LRRC4C: variants seen among roughly 807,000 people sequenced by gnomAD.
LRRC4C encodes the protein leucine rich repeat containing 4C.
Under a neutral mutation model 33.6 loss-of-function variants are expected in LRRC4C, and 5 were observed. The observed-to-expected ratio is 0.15, with a 90% CI of 0.08 to 0.31. The LOEUF (loss-of-function observed/expected upper bound fraction) is 0.31. LRRC4C is among the 10% of genes least tolerant of loss of function. LRRC4C has a pLI of 1.00. For synonymous variants in LRRC4C, 329 were observed against 302.0 expected, an observed-to-expected ratio of 1.09 and a Z score of -0.93; for missense variants, 560 against 796.7, an observed-to-expected ratio of 0.70 and a Z score of 3.58.
intron 2 of LRRC4C, among the ~76,000 whole-genome samples, chr11:40,732,904 C>A (rs577727534): frequency 2.6e-5 from 4 of 151,864 alleles, no homozygotes; most frequent in Non-Finnish European, 4.4e-5. Context: ...ACATTCTTAA[C>A]CCATTTAACT....
At chr11:41,005,748 T>A (rs562959126) in intron 1 of LRRC4C, among the ~76,000 whole-genome samples, 6 of 152,328 alleles carry the variant, frequency 3.9e-5, no homozygotes, top group African/African-American at 1.4e-4. Flanking sequence ...TAGAAGCAGA[T>A]ATTTGTACTA....
At chr11:40,410,640 G>A (rs975024399) in intron 3 of LRRC4C, among the ~76,000 whole-genome samples, 1 of 152,098 alleles carries the variant, frequency 6.6e-6, no homozygotes, top group Admixed American at 6.6e-5. Context: ...GTGTCTCCAT[G>A]ATCTAAGTGT....
intron 3 of LRRC4C, among the ~76,000 whole-genome samples, chr11:40,507,743 T>A (rs1468369068): frequency 6.6e-6 from 1 of 150,752 alleles, no homozygotes; most frequent in Non-Finnish European, 1.5e-5. Context: ...ATTTAATTTT[T>A]TTTTTTTTTT....
chr11:41,011,701 T>G (rs994183275), intron 1 of LRRC4C, among the ~76,000 whole-genome samples: 2 of 151,442 alleles, frequency 1.3e-5, no homozygotes, highest in African/African-American at 4.9e-5. Context: ...GGTTATGGAG[T>G]CACTAAGCCC....
chr11:41,248,102 C>T (rs1235481260), intron 1 of LRRC4C, among the ~76,000 whole-genome samples: 1 of 152,172 alleles, frequency 6.6e-6, no homozygotes, highest in East Asian at 1.9e-4. Context: ...CCAGCAGATT[C>T]TTATCAAGTA....
At chr11:41,427,634 C>T (rs1955085923) in intron 1 of LRRC4C, among the ~76,000 whole-genome samples, 1 of 152,048 alleles carries the variant, frequency 6.6e-6, no homozygotes, top group Non-Finnish European at 1.5e-5. Flanking sequence ...AGTAGGAAGC[C>T]AGGTGCTGTT....
At chr11:40,930,125 C>T (rs1957556640) in intron 2 of LRRC4C, among the ~76,000 whole-genome samples, 1 of 152,110 alleles carries the variant, frequency 6.6e-6, no homozygotes, top group Admixed American at 6.5e-5. Flanking sequence ...AGACTTGTTA[C>T]CACTTCTAGT....
chr11:40,132,159 G>T (rs551253646), intron 6 of LRRC4C, among the ~76,000 whole-genome samples: 2 of 152,258 alleles, frequency 1.3e-5, no homozygotes, highest in African/African-American at 4.8e-5. Flanking sequence ...AGGTCTGTTA[G>T]AGTTCTAGCT....
chr11:40,647,674 G>T (rs1187526567), intron 3 of LRRC4C, among the ~76,000 whole-genome samples: 5 of 152,148 alleles, frequency 3.3e-5, no homozygotes, highest in Non-Finnish European at 7.4e-5. Flanking sequence ...AGAATCGAAA[G>T]CCAGCTACCA....
At chr11:40,699,924 G>C (rs967543712) in intron 2 of LRRC4C, among the ~76,000 whole-genome samples, 2 of 152,080 alleles carry the variant, frequency 1.3e-5, no homozygotes, top group African/African-American at 4.8e-5. Context: ...ACTTAGTTTA[G>C]AAGTCTTTTT....
intron 2 of LRRC4C, among the ~76,000 whole-genome samples, chr11:40,828,732 T>G (rs1012766534): frequency 6.6e-6 from 1 of 151,774 alleles, no homozygotes; most frequent in Middle Eastern, 3.4e-3. Flanking sequence ...CTCTAGGATT[T>G]CATTTCCTCT....
chr11:40,780,970 T>A (rs1164687498), intron 2 of LRRC4C, among the ~76,000 whole-genome samples: 1 of 152,144 alleles, frequency 6.6e-6, no homozygotes, highest in Non-Finnish European at 1.5e-5. Flanking sequence ...GGTCACTTAC[T>A]GACAGCGATA....
At position 40,899,097 on chromosome 11, in the gene LRRC4C, T is replaced by A. The variant is rs1043617731; in HGVS notation, c.-407+34538A>T. On this transcript the variant is annotated intron_variant, in intron 2 of 6. Transcript: ENST00000528697. ...TTTCAGAATATGGATGTGGTCATTT[T>A]GAAAAAAAAAAAGCATTTTATTTAG... 6.3e-5 allele frequency among the ~76,000 whole-genome samples: 3 copies of A among 47,368 alleles called. No homozygotes were observed. In the South Asian group the frequency reaches 2.4e-3, roughly 38 times the overall value. 31.1% of individuals were successfully genotyped at this position (47,368 alleles called of 152,430 possible). A position where few individuals can be genotyped will look rare whatever the true frequency, so the allele number is the denominator to read the frequency against.
chr11:40,806,078 A>G (rs916488757), intron 2 of LRRC4C, among the ~76,000 whole-genome samples: 4 of 152,206 alleles, frequency 2.6e-5, no homozygotes, highest in African/African-American at 7.2e-5. Context: ...AAATGCATAC[A>G]CTGAAACCTT....
chr11:40,318,676 T>C (rs1375984330), intron 4 of LRRC4C, among the ~76,000 whole-genome samples: 4 of 152,210 alleles, frequency 2.6e-5, no homozygotes, highest in Non-Finnish European at 5.9e-5. Context: ...ACAAGTCCAC[T>C]GAGGAGTTAG....
At chr11:41,177,202 T>C (rs972324098) in intron 1 of LRRC4C, among the ~76,000 whole-genome samples, 1 of 152,164 alleles carries the variant, frequency 6.6e-6, no homozygotes, top group Non-Finnish European at 1.5e-5. Context: ...ATGATGTGGC[T>C]GGATAAGAGA....
intron 1 of LRRC4C, among the ~76,000 whole-genome samples, chr11:41,035,371 C>T (rs901785424): frequency 1.3e-5 from 2 of 152,016 alleles, no homozygotes; most frequent in Non-Finnish European, 2.9e-5. Flanking sequence ...TGCTCTCTCT[C>T]CCCCTGCATC....
At chr11:40,515,549 G>C (rs1955527604) in intron 3 of LRRC4C, among the ~76,000 whole-genome samples, 1 of 151,956 alleles carries the variant, frequency 6.6e-6, no homozygotes, top group Non-Finnish European at 1.5e-5. Context: ...TGATGTGATT[G>C]ATCTCTGGAA....
At chr11:40,279,616 A>G (rs1943337988) in intron 4 of LRRC4C, among the ~76,000 whole-genome samples, 1 of 152,210 alleles carries the variant, frequency 6.6e-6, no homozygotes, top group Non-Finnish European at 1.5e-5. Context: ...TTCAATTCTA[A>G]CTCACTACAA....
Sources: gnomAD v4.1 joint callset for allele counts (sites outside exome capture counted in the v4.1 genomes callset) on GRCh38, gnomAD v4.1.1 for gene constraint, MANE v1.5 for transcripts, NCBI Gene and HGNC (gene_info 2026-07-23, HGNC 2026-07-21) for gene names.